The following CEP170 variants were observed in gnomAD, a reference collection of about 807,000 sequenced individuals.
CEP170 encodes centrosomal protein of 170 kDa.
Under a neutral mutation model 151.9 loss-of-function variants are expected in CEP170, and 21 were observed. The ratio of observed to expected loss-of-function variants is 0.14; its 90% CI spans 0.10 to 0.20. CEP170 has a LOEUF of 0.20. CEP170 is among the 10% of genes least tolerant of loss of function. CEP170 has a pLI of 1.00. For missense variants in CEP170, 964 were observed against 1,892.9 expected, an observed-to-expected ratio of 0.51 and a Z score of 9.11; for synonymous variants, 356 against 648.8, an observed-to-expected ratio of 0.55 and a Z score of 6.86.
intron 3 of CEP170, among the ~76,000 whole-genome samples, chr1:243,216,873 A>G (rs1281478620): frequency 6.6e-6 from 1 of 152,236 alleles, no homozygotes; most frequent in Admixed American, 6.5e-5. Context: ...TGAAGACTTC[A>G]GTGTTTTAAA....
intron 3 of CEP170, 122 bp downstream of exon 3, chr1:243,221,602 C>G: frequency 1.0e-6 from 1 of 961,242 alleles, no homozygotes; most frequent in East Asian, 2.7e-5. Flanking sequence ...ACCTGATAAG[C>G]ATTTGAAAAT....
At chr1:243,214,468 T>G (rs1429670351) in intron 3 of CEP170, among the ~76,000 whole-genome samples, 1 of 151,724 alleles carries the variant, frequency 6.6e-6, no homozygotes, top group African/African-American at 2.4e-5. Context: ...GTATTTTTAG[T>G]AGCGATGGGG....
At chr1:243,159,689 T>C (rs1165112062) in intron 13 of CEP170, among the ~76,000 whole-genome samples, 2 of 152,042 alleles carry the variant, frequency 1.3e-5, no homozygotes, top group South Asian at 2.1e-4. Flanking sequence ...GCCAGGTCTA[T>C]GGACTCCCAG....
At chr1:243,188,253 G>A (rs1367669813) in intron 8 of CEP170, among the ~76,000 whole-genome samples, 5 of 151,908 alleles carry the variant, frequency 3.3e-5, no homozygotes, top group African/African-American at 9.7e-5. Context: ...AACAGATCAC[G>A]CACATACAGA....
intron 17 of CEP170, 88 bp downstream of exon 17, chr1:243,136,055 A>G: frequency 6.5e-7 from 1 of 1,546,626 alleles, no homozygotes; most frequent in Admixed American, 2.0e-5. Flanking sequence ...AGGTAAACAT[A>G]TTCATTCTGA....
intron 3 of CEP170, among the ~76,000 whole-genome samples, chr1:243,221,089 G>A (rs953642018): frequency 3.9e-5 from 6 of 152,014 alleles, no homozygotes; most frequent in African/African-American, 1.2e-4. Context: ...CAGTGGCGCT[G>A]TCTCGGCTCA....
In CEP170 at chr1:243,221,723, C is replaced by T. The variant is rs1301739860; in HGVS notation, c.195+1G>A. 2 of 1,609,562 alleles carry T rather than the reference C, an allele frequency of 1.2e-6. No homozygotes were observed. The highest frequency in any genetic ancestry group is 1.7e-6 in the Non-Finnish European group (2 of 1,178,298). On this transcript the variant is annotated splice_donor_variant, in intron 3 of 19. Coordinates refer to ENST00000366542, the MANE Select transcript of CEP170 (RefSeq NM_014812.3). LOFTEE classifies it high-confidence loss of function. ...AGACAAAAAATAAACCATTGACTTA[C>T]CCCATTGAGGCTGCCCAAATCCTTC...
intron 11 of CEP170, 131 bp from the exon 12 acceptor site, chr1:243,169,885 A>G: frequency 9.5e-7 from 1 of 1,048,204 alleles, no homozygotes; most frequent in East Asian, 2.7e-5. Context: ...CTATATTATC[A>G]TTGATTACAT....
chr1:243,142,932 T>C (rs2056029066), intron 14 of CEP170, among the ~76,000 whole-genome samples: 1 of 152,208 alleles, frequency 6.6e-6, no homozygotes, highest in Non-Finnish European at 1.5e-5. Context: ...ATTTTTGTCA[T>C]CAATAGAGAT....
At chr1:243,208,094 C>G (rs1290112719) in intron 4 of CEP170, among the ~76,000 whole-genome samples, 4 of 151,970 alleles carry the variant, frequency 2.6e-5, no homozygotes, top group Non-Finnish European at 5.9e-5. Context: ...GGCCTAAATT[C>G]TGGTTCATCC....
chr1:243,159,510 C>T (rs1039467203), intron 13 of CEP170, among the ~76,000 whole-genome samples: 4 of 152,152 alleles, frequency 2.6e-5, no homozygotes, highest in African/African-American at 7.2e-5. Flanking sequence ...TCCCTATCAC[C>T]TGCTAATTAA....
intron 1 of CEP170, among the ~76,000 whole-genome samples, chr1:243,233,605 C>T (rs1430558996): frequency 2.6e-5 from 4 of 151,146 alleles, no homozygotes; most frequent in Admixed American, 1.3e-4. Flanking sequence ...TGGTGGCAGG[C>T]GCCTGTAGTC....
At chr1:243,134,076 C>T (rs1382195444) in intron 17 of CEP170, among the ~76,000 whole-genome samples, 1 of 152,024 alleles carries the variant, frequency 6.6e-6, no homozygotes, top group Non-Finnish European at 1.5e-5. Context: ...AAAGTTGATG[C>T]AGGTTATTGG....
intron 4 of CEP170, among the ~76,000 whole-genome samples, chr1:243,207,370 T>C (rs938607964): frequency 1.3e-5 from 2 of 152,064 alleles, no homozygotes; most frequent in African/African-American, 4.8e-5. Flanking sequence ...ATGCAACTAA[T>C]AAAAGAGCTG....
intron 8 of CEP170, among the ~76,000 whole-genome samples, chr1:243,190,438 CTA>C (rs2060237749): frequency 6.6e-6 from 1 of 152,074 alleles, no homozygotes; most frequent in African/African-American, 2.4e-5. Flanking sequence ...ACATTCAACT[CTA>C]ATTTTCATGA....
chr1:243,174,077 T>C (rs1400644801), intron 10 of CEP170, among the ~76,000 whole-genome samples: 2 of 152,222 alleles, frequency 1.3e-5, no homozygotes, highest in Non-Finnish European at 2.9e-5. Flanking sequence ...TTAAGATTAA[T>C]TGTTTCAAAA....
At chr1:243,207,010 G>A (rs10926966) in intron 4 of CEP170, among the ~76,000 whole-genome samples, 59,078 of 151,482 alleles carry the variant, frequency 0.39, 11,540 homozygotes, top group South Asian at 0.55. Context: ...AACAGGGAAA[G>A]AGAAAACATA....
chr1:243,244,318 T>C (rs1313777147), intron 1 of CEP170, among the ~76,000 whole-genome samples: 1 of 150,236 alleles, frequency 6.7e-6, no homozygotes, highest in Non-Finnish European at 1.5e-5. Flanking sequence ...GAAAAAAATC[T>C]AGAATAACCC....
In CEP170 at chr1:243,185,956, A is replaced by G; in HGVS notation, c.1389T>C (p.Ser463=). ...TTGGTCTGTGCCCAAGACTCCCTGAACTTCTTAATAATGCAGTTTGTAGGA... is the reference window on the plus strand; with the variant it reads ...TTGGTCTGTGCCCAAGACTCCCTGAGCTTCTTAATAATGCAGTTTGTAGGA... The part of the protein sequence containing the change: ...IPFLQTALLR[S]SGSLGHRPSQ... Residue 463 remains serine (S), a synonymous_variant, in exon 10 of 20, where the codon AGT becomes AGC. Coordinates refer to ENST00000366542, the MANE Select transcript of CEP170 (RefSeq NM_014812.3). This position sits in a 1 kb window ranked among gnomAD's most constrained non-coding sequence, Gnocchi z 4.9. The G allele has an allele frequency of 6.2e-6, 10 of 1,613,688 alleles. No individual in the cohort carries two copies. The highest frequency in any genetic ancestry group is 8.5e-6 in the Non-Finnish European group (10 of 1,179,694).
Sources: gnomAD v4.1 joint callset for allele counts (sites outside exome capture counted in the v4.1 genomes callset) on GRCh38, gnomAD v4.1.1 for gene constraint, Gnocchi (gnomAD v3.1) non-coding constraint, MANE v1.5 for transcripts, NCBI Gene and HGNC (gene_info 2026-07-23, HGNC 2026-07-21) for gene names.